SLC16A10: variants seen among roughly 807,000 people sequenced by gnomAD.
SLC16A10 encodes monocarboxylate transporter 10.
SLC16A10 carries 27 observed loss-of-function variants against 40.0 expected under a neutral mutation model. The ratio of observed to expected loss-of-function variants is 0.67; its 90% CI spans 0.50 to 0.93. SLC16A10 has a LOEUF of 0.93. Among genes scored for constraint, SLC16A10 ranks in the 40% least tolerant of loss-of-function variants. SLC16A10 has a pLI of 0.00. For synonymous variants in SLC16A10, 213 were observed against 249.8 expected, an observed-to-expected ratio of 0.85 and a Z score of 1.39; for missense variants, 529 against 658.2, an observed-to-expected ratio of 0.80 and a Z score of 2.15.
chr6:111,202,193 C>T (rs576318157), intron 3 of SLC16A10, among the ~76,000 whole-genome samples: 21 of 152,292 alleles, frequency 1.4e-4, no homozygotes, highest in South Asian at 4.1e-4. Context: ...CAGTTACCCA[C>T]GGCCGGGTGT....
chr6:111,135,600 C>A (rs1771863747), intron 1 of SLC16A10, among the ~76,000 whole-genome samples: 1 of 152,178 alleles, frequency 6.6e-6, no homozygotes, highest in African/African-American at 2.4e-5. Context: ...TACATGCTGA[C>A]TCTCAATTCT....
intron 1 of SLC16A10, among the ~76,000 whole-genome samples, chr6:111,144,637 A>G (rs1208537392): frequency 6.6e-6 from 1 of 152,278 alleles, no homozygotes; most frequent in East Asian, 1.9e-4. Context: ...TCTATAGATC[A>G]GCAGTTGCCT....
chr6:111,192,802 G>A (rs1773017701), intron 3 of SLC16A10, among the ~76,000 whole-genome samples: 1 of 152,062 alleles, frequency 6.6e-6, no homozygotes. Context: ...GAAACCATCA[G>A]ATCTCATGAG....
At chr6:111,123,546 G>A (rs1236399979) in intron 1 of SLC16A10, among the ~76,000 whole-genome samples, 1 of 152,244 alleles carries the variant, frequency 6.6e-6, no homozygotes, top group Non-Finnish European at 1.5e-5. Flanking sequence ...ATCAGGGCAA[G>A]ACCTACTGGC....
At chr6:111,161,958 C>G (rs947765859) in intron 1 of SLC16A10, among the ~76,000 whole-genome samples, 1 of 152,116 alleles carries the variant, frequency 6.6e-6, no homozygotes, top group Non-Finnish European at 1.5e-5. Flanking sequence ...TCACCCATCC[C>G]TTTTGTTTCT....
intron 3 of SLC16A10, among the ~76,000 whole-genome samples, chr6:111,201,681 G>A (rs1218162788): frequency 1.3e-5 from 2 of 152,174 alleles, no homozygotes; most frequent in African/African-American, 4.8e-5. Flanking sequence ...TCAAGGCATG[G>A]CCAAATTACA....
chr6:111,215,323 G>T (rs1174219695), intron 4 of SLC16A10, among the ~76,000 whole-genome samples: 1 of 149,980 alleles, frequency 6.7e-6, no homozygotes, highest in Admixed American at 6.7e-5. Context: ...GCCAAGTACT[G>T]TACTAGGCTT....
chr6:111,188,620 C>G (rs993251028), intron 3 of SLC16A10, among the ~76,000 whole-genome samples: 1 of 152,056 alleles, frequency 6.6e-6, no homozygotes, highest in Non-Finnish European at 1.5e-5. Flanking sequence ...CTGTACTCAG[C>G]CTTTATTAAT....
At chr6:111,099,394 C>A (rs2114436826) in intron 1 of SLC16A10, among the ~76,000 whole-genome samples, 1 of 152,318 alleles carries the variant, frequency 6.6e-6, no homozygotes, top group South Asian at 2.1e-4. Context: ...CAGCTCACTG[C>A]AGCCTTGACC....
chr6:111,170,334 T>G (rs1772561927), intron 1 of SLC16A10, among the ~76,000 whole-genome samples: 1 of 152,216 alleles, frequency 6.6e-6, no homozygotes, highest in African/African-American at 2.4e-5. Flanking sequence ...ATTATAAAAG[T>G]TGCTTTTATC....
chr6:111,228,092 A>G lies in SLC16A10; in HGVS notation c.*5857A>G, dbSNP rs1041892175. The G allele has an allele frequency of 6.6e-6, 1 of 152,218 alleles. No individual in the cohort carries two copies. 9.4% of individuals were successfully genotyped at this position (152,218 alleles called of 1,614,324 possible). A position where few individuals can be genotyped will look rare whatever the true frequency, so the allele number is the denominator to read the frequency against. Reference sequence around the variant, plus strand: ...AAAAACCTGAAGAAATTCAGAATCTAGATACACTTAGATTCTAAATTAGAC... The same window carrying G: ...AAAAACCTGAAGAAATTCAGAATCTGGATACACTTAGATTCTAAATTAGAC... On this transcript the variant is annotated 3_prime_UTR_variant, in exon 6 of 6. Coordinates refer to ENST00000368851, the MANE Select transcript of SLC16A10 (RefSeq NM_018593.5).
chr6:111,203,168 G>T (rs1397945270), intron 3 of SLC16A10, among the ~76,000 whole-genome samples: 3 of 152,088 alleles, frequency 2.0e-5, no homozygotes, highest in Non-Finnish European at 4.4e-5. Context: ...TAAAGTGCAT[G>T]CCAGTCTCCA....
chr6:111,113,648 G>A (rs1441613328), intron 1 of SLC16A10, among the ~76,000 whole-genome samples: 1 of 152,216 alleles, frequency 6.6e-6, no homozygotes, highest in Non-Finnish European at 1.5e-5. Flanking sequence ...GCACTTGTGT[G>A]TTTAAGCGTG....
chr6:111,087,731 C>A lies in SLC16A10; in HGVS notation c.-22C>A. On this transcript the variant is annotated 5_prime_UTR_variant, in exon 1 of 6. Coordinates refer to ENST00000368851, the MANE Select transcript of SLC16A10 (RefSeq NM_018593.5). ...TCGCGTCCCTCGCGCTTCTCCGGCG[C>A]CTGAGGGGCCCGCCTCGGGCCATGG... 1 of 1,192,482 alleles carries A rather than the reference C, an allele frequency of 8.4e-7. No homozygotes were observed. Among genetic ancestry groups the A allele is most frequent in the Non-Finnish European group, 1.0e-6 (1 of 959,444 alleles). 73.9% of individuals were successfully genotyped at this position (1,192,482 alleles called of 1,614,324 possible). A position where few individuals can be genotyped will look rare whatever the true frequency, so the allele number is the denominator to read the frequency against.
chr6:111,102,638 T>C (rs189897389), intron 1 of SLC16A10, among the ~76,000 whole-genome samples: 125 of 152,306 alleles, frequency 8.2e-4, no homozygotes, highest in African/African-American at 2.8e-3. Context: ...TTTCCTCTGC[T>C]GTCTTAGCCC....
In SLC16A10 at chr6:111,227,816, G is replaced by C. The variant is rs527534345; in HGVS notation, c.*5581G>C. The C allele has an allele frequency of 6.6e-6, 1 of 152,234 alleles. No homozygotes were observed. Among genetic ancestry groups the C allele is most frequent in the South Asian group, 2.1e-4 (1 of 4,822 alleles). 9.4% of individuals were successfully genotyped at this position (152,234 alleles called of 1,614,324 possible). A position where few individuals can be genotyped will look rare whatever the true frequency, so the allele number is the denominator to read the frequency against. On this transcript the variant is annotated 3_prime_UTR_variant, in exon 6 of 6. Coordinates refer to ENST00000368851, the MANE Select transcript of SLC16A10 (RefSeq NM_018593.5). ...CAAAATGAAACCTTTCTAAGTACTTGATGACACCCACTTGATCATGACAAT... is the reference window on the plus strand; with the variant it reads ...CAAAATGAAACCTTTCTAAGTACTTCATGACACCCACTTGATCATGACAAT...
chr6:111,143,960 C>T (rs886984756), intron 1 of SLC16A10, among the ~76,000 whole-genome samples: 2 of 151,950 alleles, frequency 1.3e-5, no homozygotes, highest in African/African-American at 4.8e-5. Flanking sequence ...CCTATCTCTA[C>T]AAAAATAAGG....
chr6:111,105,720 A>C (rs2114448909), intron 1 of SLC16A10, among the ~76,000 whole-genome samples: 1 of 152,328 alleles, frequency 6.6e-6, no homozygotes, highest in South Asian at 2.1e-4. Flanking sequence ...GTGAGTGAGC[A>C]GGTTGGCACG....
rs1771074976 is a variant in SLC16A10 at position 111,229,895 on chromosome 6, A to C, written c.*7660A>C. 1 of 149,912 alleles carries C rather than the reference A, an allele frequency of 6.7e-6. No individual in the cohort carries two copies. The highest frequency in any genetic ancestry group is 1.5e-5 in the Non-Finnish European group (1 of 67,666). 9.3% of individuals were successfully genotyped at this position (149,912 alleles called of 1,614,324 possible). On this transcript the variant is annotated 3_prime_UTR_variant, in exon 6 of 6. Transcript: ENST00000368851. ...GAGGCCAAGGCAGGCGGATTGCTTGAGGCCAGGAGTTCGAGACATACGGGT... is the reference window on the plus strand; with the variant it reads ...GAGGCCAAGGCAGGCGGATTGCTTGCGGCCAGGAGTTCGAGACATACGGGT...
Sources: gnomAD v4.1 joint callset for allele counts (sites outside exome capture counted in the v4.1 genomes callset) on GRCh38, gnomAD v4.1.1 for gene constraint, MANE v1.5 for transcripts, NCBI Gene and HGNC (gene_info 2026-07-23, HGNC 2026-07-21) for gene names.